The following DNAH8 variants were observed in gnomAD, a reference collection of about 807,000 sequenced individuals.
The protein encoded by DNAH8 is dynein axonemal heavy chain 8.
DNAH8 carries 382 observed loss-of-function variants against 562.1 expected under a neutral mutation model. That is an observed-to-expected ratio of 0.68 (90% CI 0.63 to 0.74). The LOEUF is 0.74. Ranked by LOEUF, DNAH8 falls within the 30% of genes least tolerant of loss-of-function variation. The pLI is 0.00. For missense variants in DNAH8, 5,203 were observed against 5,620.4 expected, an observed-to-expected ratio of 0.93 and a Z score of 2.37; for synonymous variants, 1,881 against 1,919.4, an observed-to-expected ratio of 0.98 and a Z score of 0.52.
At position 38,973,670 on chromosome 6, in the gene DNAH8, GTAT is replaced by G. The variant is rs1763484610; in HGVS notation, c.12538_12540del (p.Leu4181del). 1 of 1,598,240 alleles carries G rather than the reference GTAT, an allele frequency of 6.3e-7. No individual in the cohort carries two copies. Among genetic ancestry groups the G allele is most frequent in the Admixed American group, 1.8e-5 (1 of 56,456 alleles). ...TTATTTTTGGATACAGGGTGGTTGG[GTAT>G]TACTACAAAATTGCCACCTTGGCCT... On this transcript the variant is annotated inframe_deletion, in exon 84 of 93. Transcript: ENST00000327475.
chr6:38,982,198 A>G (rs144588539), intron 85 of DNAH8, 148 bp from the exon 86 acceptor site: 10 of 606,130 alleles, frequency 1.6e-5, no homozygotes, highest in East Asian at 1.4e-4. Flanking sequence ...ATTAAGCGAC[A>G]TGAATGTATA....
intron 1 of DNAH8, among the ~76,000 whole-genome samples, chr6:38,718,520 C>A (rs1449968268): frequency 2.6e-5 from 4 of 152,070 alleles, no homozygotes; most frequent in Admixed American, 2.0e-4. Context: ...ATATGATTTC[C>A]TTAAGGAAAA....
chr6:38,835,392 A>G (rs1774196797), intron 32 of DNAH8, among the ~76,000 whole-genome samples: 1 of 151,910 alleles, frequency 6.6e-6, no homozygotes, highest in African/African-American at 2.4e-5. Context: ...AGTGGTTCTT[A>G]CCTCTAAGCT....
chr6:38,871,420 C>T (rs553614421), intron 49 of DNAH8, among the ~76,000 whole-genome samples: 2 of 152,254 alleles, frequency 1.3e-5, no homozygotes, highest in South Asian at 2.1e-4. Context: ...ATACAGTATA[C>T]TGAGTTTTAA....
At chr6:38,958,404 GAT>G (rs964818757) in intron 82 of DNAH8, among the ~76,000 whole-genome samples, 7 of 117,774 alleles carry the variant, frequency 5.9e-5, no homozygotes, top group Non-Finnish European at 1.1e-4. Flanking sequence ...GAAAAAAAGA[GAT>G]ATGACTGGAA....
Position 38,775,669 on chromosome 6 carries a change from A to G in DNAH8, c.1765-85A>G, listed in dbSNP as rs1459736168. 4 of 815,946 alleles carry G rather than the reference A, an allele frequency of 4.9e-6. No individual in the cohort carries two copies. In the African/African-American group the frequency reaches 6.9e-5, roughly 14 times the overall value. The allele number at this position is 815,946 out of a possible 1,614,324, so 50.5% of individuals were successfully genotyped here. On this transcript the variant is annotated intron_variant, in intron 12 of 92. Coordinates refer to ENST00000327475, the MANE Select transcript of DNAH8 (RefSeq NM_001206927.2). ...GGCCCTGTTTAATGGTTTGTGTTTT[A>G]TATCAATGATTCATTAAGAGCTTAT...
At chr6:38,928,309 C>T (rs1236110285) in intron 74 of DNAH8, among the ~76,000 whole-genome samples, 3 of 152,196 alleles carry the variant, frequency 2.0e-5, no homozygotes, top group Admixed American at 2.0e-4. Context: ...AGATAATTAT[C>T]TCCTTACTTG....
intron 1 of DNAH8, chr6:38,716,671 T>C (rs1762371403): frequency 6.6e-6 from 1 of 152,212 alleles, no homozygotes; most frequent in Admixed American, 6.5e-5. Flanking sequence ...TGATTGTGCA[T>C]TTTGCTTTGG....
chr6:38,807,067 G>A (rs559023265), intron 23 of DNAH8, among the ~76,000 whole-genome samples: 1 of 152,274 alleles, frequency 6.6e-6, no homozygotes, highest in African/African-American at 2.4e-5. Flanking sequence ...AACCTGTCCT[G>A]TGCTCTGATC....
Position 38,875,590 on chromosome 6 carries a change from G to A in DNAH8, c.7621-1G>A. 1 of 1,481,082 alleles carries A rather than the reference G, an allele frequency of 6.8e-7. No homozygotes were observed. The highest frequency in any genetic ancestry group is 9.1e-7 in the Non-Finnish European group (1 of 1,100,004). The allele number at this position is 1,481,082 out of a possible 1,614,324, so 91.7% of individuals were successfully genotyped here. On this transcript the variant is annotated splice_acceptor_variant, in intron 52 of 92. Transcript: ENST00000327475. LOFTEE classifies it high-confidence loss of function. ...ATTTATTTTATTTGAAACATTTTCAGTCTCTCAATCTTCTGGAAGGGTTAA... is the reference window on the plus strand; with the variant it reads ...ATTTATTTTATTTGAAACATTTTCAATCTCTCAATCTTCTGGAAGGGTTAA...
rs374185872 is a variant in DNAH8, at chr6:38,918,029, T to G, written c.10413T>G (p.Asp3471Glu). Reference sequence around the variant, plus strand: ...TACAGCCATATTTTAATATGGATGATTATACTTTTGAAAGTGCCAAAAAAG... The same window carrying G: ...TACAGCCATATTTTAATATGGATGAGTATACTTTTGAAAGTGCCAAAAAAG... ...ELLQPYFNMD[D>E]YTFESAKKVC... is the part of the protein sequence containing the mutation. The change falls in exon 70 of 93, where the codon GAT (aspartate) becomes GAG (glutamate). Residue 3471 changes from aspartate to glutamate, a missense_variant. Asp to Glu is a conservative substitution (Grantham distance 45). Transcript: ENST00000327475. 1.2e-6 allele frequency: 2 copies of G among 1,613,710 alleles called. No homozygotes were observed. Among genetic ancestry groups the G allele is most frequent in the Non-Finnish European group, 1.7e-6 (2 of 1,179,796 alleles).
chr6:38,981,784 A>G (rs1264705568), intron 85 of DNAH8, among the ~76,000 whole-genome samples: 1 of 152,132 alleles, frequency 6.6e-6, no homozygotes, highest in Non-Finnish European at 1.5e-5. Flanking sequence ...TTTTTTTAAA[A>G]CCCAAGAACT....
At chr6:39,019,888 G>C (rs1340684096) in intron 91 of DNAH8, among the ~76,000 whole-genome samples, 1 of 152,144 alleles carries the variant, frequency 6.6e-6, no homozygotes, top group African/African-American at 2.4e-5. Flanking sequence ...TCCCTTAAAG[G>C]GTGGAGGAAC....
rs201712762 is a variant in DNAH8 at position 39,010,818 on chromosome 6, C to T, written c.13372-1397C>T. 3.5e-3 allele frequency among the ~76,000 whole-genome samples: 380 copies of T among 107,506 alleles called. 1 individual carries two copies. Among genetic ancestry groups the T allele is most frequent in the African/African-American group, 0.011 (310 of 28,826 alleles). The allele number at this position is 107,506 out of a possible 152,430, so 70.5% of individuals were successfully genotyped here. ...ACGTGTACGCACACACACACACACA[C>T]ACGTATGTATGTATGTATGTATGTA... On this transcript the variant is annotated intron_variant, in intron 89 of 92. Coordinates refer to ENST00000327475, the MANE Select transcript of DNAH8 (RefSeq NM_001206927.2).
chr6:38,787,179 G>A (rs998344953), intron 18 of DNAH8, among the ~76,000 whole-genome samples: 1 of 151,970 alleles, frequency 6.6e-6, no homozygotes, highest in African/African-American at 2.4e-5. Flanking sequence ...TAGGTTTCTG[G>A]ATAATGACTG....
At position 38,873,372 on chromosome 6, in the gene DNAH8, T is replaced by G. The variant is rs371695716; in HGVS notation, c.7616T>G (p.Val2539Gly). The G allele has an allele frequency of 2.5e-6, 4 of 1,584,272 alleles. No homozygotes were observed. The highest frequency in any genetic ancestry group is 3.4e-6 in the Non-Finnish European group (4 of 1,171,256). ...KMQLLECNYI[V>G]QSLNLLEGLI... Reference sequence around the variant, plus strand: ...CAGCTCTTGGAGTGCAACTATATTGTGCAAGTAAGATTTTTTTTTGTACAT... The same window carrying G: ...CAGCTCTTGGAGTGCAACTATATTGGGCAAGTAAGATTTTTTTTTGTACAT... Residue 2539 changes from valine (V) to glycine (G), a missense_variant, in exon 52 of 93, where the codon GTG becomes GGG. Coordinates refer to ENST00000327475, the MANE Select transcript of DNAH8 (RefSeq NM_001206927.2).
chr6:38,757,236 C>CAT (rs1218089806), intron 10 of DNAH8, among the ~76,000 whole-genome samples: 1 of 151,942 alleles, frequency 6.6e-6, no homozygotes, highest in East Asian at 1.9e-4. Context: ...GATGGTATCT[C>CAT]ATTGTGGTTT....
intron 87 of DNAH8, among the ~76,000 whole-genome samples, chr6:38,989,487 T>A (rs1243669861): frequency 2.0e-5 from 3 of 152,202 alleles, no homozygotes; most frequent in Non-Finnish European, 4.4e-5. Flanking sequence ...GGGACATAAT[T>A]AGCAAAGGAA....
intron 17 of DNAH8, among the ~76,000 whole-genome samples, chr6:38,785,978 G>A (rs1769123436): frequency 6.6e-6 from 1 of 152,120 alleles, no homozygotes; most frequent in Non-Finnish European, 1.5e-5. Flanking sequence ...TGGAAGATTT[G>A]GTAATTGTGA....
Sources: gnomAD v4.1 joint callset for allele counts (sites outside exome capture counted in the v4.1 genomes callset) on GRCh38, gnomAD v4.1.1 for gene constraint, MANE v1.5 for transcripts, NCBI Gene and HGNC (gene_info 2026-07-23, HGNC 2026-07-21) for gene names.